Variants in CSMD1 observed in about 807,000 individuals in gnomAD.
CSMD1 encodes CUB and sushi domain-containing protein 1.
Under a neutral mutation model 417.5 loss-of-function variants are expected in CSMD1, and 213 were observed. The ratio of observed to expected loss-of-function variants is 0.51; its 90% confidence interval spans 0.46 to 0.57. The LOEUF (loss-of-function observed/expected upper bound fraction) is 0.57, where lower values mean the gene tolerates loss of function less well. CSMD1 is among the 20% of genes least tolerant of loss of function. The pLI is 0.00. For synonymous variants in CSMD1, 2,862 were observed against 1,736.8 expected (o/e 1.65, Z -16.11); for missense variants, 6,923 against 4,529.7 (o/e 1.53, Z -15.17).
intron 2 of CSMD1, among the ~76,000 whole-genome samples, chr8:4,421,476 T>C (rs531317675): frequency 3.3e-5 from 5 of 152,130 alleles, no homozygotes; most frequent in Non-Finnish European, 4.4e-5. Context: ...TGAAATCATA[T>C]AGCGTGTGTT....
chr8:3,197,567 G>A (rs569153593), intron 33 of CSMD1, among the ~76,000 whole-genome samples: 70 of 149,018 alleles, frequency 4.7e-4, no homozygotes, highest in African/African-American at 1.6e-3. Context: ...CCGGGTTCAC[G>A]CCATTCTCCT....
intron 2 of CSMD1, among the ~76,000 whole-genome samples, chr8:4,478,509 T>C (rs1018103363): frequency 2.0e-5 from 3 of 152,272 alleles, no homozygotes; most frequent in South Asian, 4.1e-4. Flanking sequence ...TGAAAGTAGA[T>C]GTATAAATCA....
At chr8:3,391,113 A>G (rs1811319280) in intron 17 of CSMD1, among the ~76,000 whole-genome samples, 1 of 152,178 alleles carries the variant, frequency 6.6e-6, no homozygotes, top group Admixed American at 6.5e-5. Flanking sequence ...ATCCAGTACC[A>G]TTACATCCCG....
intron 5 of CSMD1, among the ~76,000 whole-genome samples, chr8:3,881,873 T>C (rs963016881): frequency 6.6e-6 from 1 of 152,076 alleles, no homozygotes; most frequent in African/African-American, 2.4e-5. Context: ...GACTTCTCCA[T>C]AAATGGGGCT....
chr8:4,529,293 C>G (rs569630206), intron 2 of CSMD1, among the ~76,000 whole-genome samples: 18 of 152,272 alleles, frequency 1.2e-4, no homozygotes, highest in African/African-American at 4.3e-4. Flanking sequence ...TAGTGCACAA[C>G]ATTACAACAG....
intron 28 of CSMD1, among the ~76,000 whole-genome samples, chr8:3,223,260 C>A (rs1322078516): frequency 6.6e-6 from 1 of 152,180 alleles, no homozygotes; most frequent in African/African-American, 2.4e-5. Flanking sequence ...GACTTTACAG[C>A]AACCACATTT....
intron 3 of CSMD1, among the ~76,000 whole-genome samples, chr8:4,167,640 T>A (rs1374664904): frequency 6.6e-6 from 1 of 152,180 alleles, no homozygotes; most frequent in Non-Finnish European, 1.5e-5. Flanking sequence ...TCCATCTGTT[T>A]GGAAGATACA....
At chr8:4,084,383 A>G (rs900271683) in intron 3 of CSMD1, among the ~76,000 whole-genome samples, 3 of 152,150 alleles carry the variant, frequency 2.0e-5, no homozygotes, top group African/African-American at 4.8e-5. Flanking sequence ...ATTAGAAACA[A>G]TATGCGATTT....
chr8:4,355,134 C>A (rs565536431), intron 3 of CSMD1, among the ~76,000 whole-genome samples: 1 of 151,802 alleles, frequency 6.6e-6, no homozygotes, highest in Admixed American at 6.6e-5. Context: ...TGGTGGCGGG[C>A]GCCTGCAGTC....
chr8:2,954,300 A>T, intron 64 of CSMD1, 32 bp from the exon 65 acceptor site: 1 of 1,286,774 alleles, frequency 7.8e-7, no homozygotes, highest in South Asian at 1.4e-5. Context: ...ATCATTTTAA[A>T]AAAAACATTT....
chr8:3,937,648 C>T (rs1007953320), intron 5 of CSMD1, among the ~76,000 whole-genome samples: 1 of 152,132 alleles, frequency 6.6e-6, no homozygotes, highest in Non-Finnish European at 1.5e-5. Context: ...CATCTGAAGC[C>T]AAACTTGCAA....
chr8:4,068,630 T>C lies in CSMD1; in HGVS notation c.416-36531A>G, dbSNP rs1217612165. On this transcript the variant is annotated intron_variant, in intron 3 of 69. Transcript: ENST00000635120. ...ATATCTAGTTCATATAATGTTACCA[T>C]ATCAGTGGAACTGTGAGTTTAAGAT... Among the ~76,000 whole-genome samples, 7 of 152,286 alleles carry C rather than the reference T, an allele frequency of 4.6e-5. No individual in the cohort carries two copies. The East Asian group carries it at 5.8e-4, about 13-fold the overall frequency.
chr8:4,303,734 C>T (rs1321738270), intron 3 of CSMD1, among the ~76,000 whole-genome samples: 3 of 151,964 alleles, frequency 2.0e-5, no homozygotes, highest in African/African-American at 4.8e-5. Flanking sequence ...TGGCTCACCC[C>T]AACCTCAGCC....
chr8:4,891,148 G>T (rs1429842892), intron 1 of CSMD1, among the ~76,000 whole-genome samples: 1 of 152,142 alleles, frequency 6.6e-6, no homozygotes, highest in East Asian at 1.9e-4. Context: ...TATGAACTCT[G>T]TGTTTTGAGT....
At chr8:3,345,027 G>C (rs1807898699) in intron 22 of CSMD1, among the ~76,000 whole-genome samples, 1 of 152,198 alleles carries the variant, frequency 6.6e-6, no homozygotes, top group Non-Finnish European at 1.5e-5. Flanking sequence ...CTGGGTCAAA[G>C]AGAAAAGGTG....
At chr8:4,580,920 T>A (rs887467373) in intron 2 of CSMD1, among the ~76,000 whole-genome samples, 1 of 152,222 alleles carries the variant, frequency 6.6e-6, no homozygotes, top group Non-Finnish European at 1.5e-5. Flanking sequence ...CATCGGAAGT[T>A]CAATGCACAT....
chr8:4,309,994 G>A (rs186165814), intron 3 of CSMD1, among the ~76,000 whole-genome samples: 1 of 152,122 alleles, frequency 6.6e-6, no homozygotes, highest in African/African-American at 2.4e-5. Context: ...ACCAGACTAA[G>A]GAGTTTGGAA....
intron 8 of CSMD1, among the ~76,000 whole-genome samples, chr8:3,598,582 C>G (rs1801204767): frequency 6.6e-6 from 1 of 152,160 alleles, no homozygotes; most frequent in Non-Finnish European, 1.5e-5. Flanking sequence ...GAGGACTTTT[C>G]TGTTGTTCCT....
chr8:3,500,569 G>C (rs961494567), intron 10 of CSMD1, among the ~76,000 whole-genome samples: 3 of 152,146 alleles, frequency 2.0e-5, no homozygotes, highest in African/African-American at 4.8e-5. Flanking sequence ...AATTGAGGAA[G>C]AAATGACAAA....
Sources: gnomAD v4.1 joint callset for allele counts (sites outside exome capture counted in the v4.1 genomes callset) on GRCh38, gnomAD v4.1.1 for gene constraint, MANE v1.5 for transcripts, NCBI Gene and HGNC (gene_info 2026-07-23, HGNC 2026-07-21) for gene names.